The following DCC variants were observed in gnomAD, a reference collection of about 807,000 sequenced individuals.
The protein encoded by DCC is netrin receptor DCC.
DCC carries 58 observed loss-of-function variants against 172.5 expected under a neutral mutation model. The observed-to-expected ratio is 0.34, with a 90% confidence interval of 0.27 to 0.42. The LOEUF (loss-of-function observed/expected upper bound fraction) is 0.42, where lower values mean the gene tolerates loss of function less well. Ranked by LOEUF, DCC falls within the 10% of genes least tolerant of loss-of-function variation. The probability of loss-of-function intolerance (pLI) is 1.00; values close to 1 mark genes in which losing one functional copy is unlikely to be tolerated. For synonymous variants in DCC, 709 were observed against 644.5 expected (o/e 1.10, Z -1.52); for missense variants, 1,740 against 1,791.0 (o/e 0.97, Z 0.51).
chr18:53,305,731 C>A lies in DCC; in HGVS notation c.2053+12C>A. On this transcript the variant is annotated intron_variant, in intron 13 of 28. Coordinates refer to ENST00000442544, the MANE Select transcript of DCC (RefSeq NM_005215.4). The stretch of plus-strand genomic sequence containing the variant: ...GTACCTATTCACAGGTCAGTGTTCA[C>A]ATGGTGTAGTCTTGCAAGGTTTTGA... 1 of 1,613,328 alleles carries A rather than the reference C, an allele frequency of 6.2e-7. No individual in the cohort carries two copies.
chr18:53,098,397 T>G (rs2043117056), intron 7 of DCC, among the ~76,000 whole-genome samples: 1 of 152,162 alleles, frequency 6.6e-6, no homozygotes, highest in African/African-American at 2.4e-5. Context: ...GTTTTCCTAT[T>G]TTCTAGTTTC....
At chr18:53,360,480 T>C (rs1369726793) in intron 15 of DCC, among the ~76,000 whole-genome samples, 1 of 152,150 alleles carries the variant, frequency 6.6e-6, no homozygotes, top group Non-Finnish European at 1.5e-5. Context: ...GTCTCAAATT[T>C]TGTTCATTCA....
At chr18:53,513,958 C>A (rs2046298046) in intron 27 of DCC, among the ~76,000 whole-genome samples, 1 of 151,050 alleles carries the variant, frequency 6.6e-6, no homozygotes, top group South Asian at 2.1e-4. Context: ...CTGCACCAAG[C>A]AGACCTAATA....
intron 12 of DCC, among the ~76,000 whole-genome samples, chr18:53,284,555 A>G (rs2056913750): frequency 6.6e-6 from 1 of 152,196 alleles, no homozygotes; most frequent in African/African-American, 2.4e-5. Flanking sequence ...CTGTAAGTCC[A>G]ATAAACCTCT....
At chr18:52,509,842 G>A (rs1002669656) in intron 1 of DCC, among the ~76,000 whole-genome samples, 12 of 152,150 alleles carry the variant, frequency 7.9e-5, no homozygotes, top group African/African-American at 2.2e-4. Flanking sequence ...GGTGGCTCAC[G>A]TCTGTAATCC....
intron 14 of DCC, among the ~76,000 whole-genome samples, chr18:53,329,463 G>A (rs917253586): frequency 8.6e-5 from 13 of 151,878 alleles, no homozygotes; most frequent in African/African-American, 2.9e-4. Context: ...TTTCTTTATA[G>A]TAGCAATAAT....
intron 19 of DCC, among the ~76,000 whole-genome samples, chr18:53,407,556 T>TATATATATATA (rs1192623109): frequency 1.4e-5 from 2 of 140,392 alleles, no homozygotes; most frequent in Non-Finnish European, 3.1e-5. Flanking sequence ...TATATATATA[T>TATATATATATA]TCACTATTAC....
At chr18:52,654,699 T>C (rs1013049654) in intron 1 of DCC, among the ~76,000 whole-genome samples, 1 of 152,134 alleles carries the variant, frequency 6.6e-6, no homozygotes, top group Non-Finnish European at 1.5e-5. Context: ...TCCTAGGTAC[T>C]GGGGGTTAGG....
chr18:52,925,866 C>T (rs1172763432), intron 5 of DCC, among the ~76,000 whole-genome samples: 1 of 140,902 alleles, frequency 7.1e-6, no homozygotes, highest in Non-Finnish European at 1.6e-5. Flanking sequence ...GGAAAAGTTG[C>T]ATAGCAAGAA....
chr18:53,442,372 G>A, intron 22 of DCC, among the ~76,000 whole-genome samples: 1 of 152,026 alleles, frequency 6.6e-6, no homozygotes, highest in Non-Finnish European at 1.5e-5. Context: ...TGCTACGATG[G>A]TCTGTGATCA....
intron 18 of DCC, among the ~76,000 whole-genome samples, chr18:53,398,776 C>CA (rs1909116755): frequency 6.6e-6 from 1 of 152,054 alleles, no homozygotes; most frequent in Non-Finnish European, 1.5e-5. Flanking sequence ...TGGTGAGACC[C>CA]ATTGCTAACA....
Position 52,610,162 on chromosome 18 carries a change from A to T in DCC, c.92-141892A>T, listed in dbSNP as rs1338545149. 2.3e-3 allele frequency among the ~76,000 whole-genome samples: 40 copies of T among 17,200 alleles called. 1 individual carries two copies. The highest frequency in any genetic ancestry group is 0.013 in the East Asian group (10 of 754). The allele number at this position is 17,200 out of a possible 152,430, so 11.3% of individuals were successfully genotyped here. On this transcript the variant is annotated intron_variant, in intron 1 of 28. Coordinates refer to ENST00000442544, the MANE Select transcript of DCC (RefSeq NM_005215.4). ...AACCCCATCTCTCATAAAAAAAAAA[A>T]AAAAAAAAAAAAAAAAATATATATA...
intron 15 of DCC, among the ~76,000 whole-genome samples, chr18:53,368,328 C>T (rs552987570): frequency 1.3e-5 from 2 of 152,178 alleles, no homozygotes; most frequent in South Asian, 4.1e-4. Context: ...ATGTATTGTG[C>T]ATATTAATAT....
intron 19 of DCC, among the ~76,000 whole-genome samples, chr18:53,407,556 T>TATATATA (rs1192623109): frequency 1.4e-5 from 2 of 140,390 alleles, no homozygotes; most frequent in South Asian, 2.2e-4. Context: ...TATATATATA[T>TATATATA]TCACTATTAC....
chr18:53,172,621 G>A (rs1301186492), intron 8 of DCC, among the ~76,000 whole-genome samples: 1 of 135,304 alleles, frequency 7.4e-6, no homozygotes, highest in South Asian at 2.3e-4. Context: ...CATACCCAAG[G>A]TGTTTGATAG....
At chr18:52,993,858 ACTCT>A (rs147460567) in intron 5 of DCC, among the ~76,000 whole-genome samples, 2 of 148,304 alleles carry the variant, frequency 1.3e-5, no homozygotes, top group African/African-American at 2.5e-5. Flanking sequence ...CATACTCTCC[ACTCT>A]CTCTCTCTCT....
At chr18:52,872,940 T>C (rs2039344953) in intron 2 of DCC, among the ~76,000 whole-genome samples, 1 of 152,188 alleles carries the variant, frequency 6.6e-6, no homozygotes, top group African/African-American at 2.4e-5. Context: ...AATAAGCTAT[T>C]ACATTTTCAC....
chr18:52,794,754 T>C (rs939338936), intron 2 of DCC, among the ~76,000 whole-genome samples: 12 of 152,118 alleles, frequency 7.9e-5, no homozygotes, highest in Admixed American at 3.3e-4. Context: ...TTAAGTACGA[T>C]GTTAGCTGTG....
Position 53,499,250 on chromosome 18 carries a change from C to T in DCC, c.3899-48C>T, listed in dbSNP as rs758044670. On this transcript the variant is annotated intron_variant, in intron 26 of 28. Transcript: ENST00000442544. Reference sequence around the variant, plus strand: ...GACTGTTCCAGTGACTTAAGGAAAACAGACTTTGTCCAGGAATAATGAATG... The same window carrying T: ...GACTGTTCCAGTGACTTAAGGAAAATAGACTTTGTCCAGGAATAATGAATG... 3 of 1,596,860 alleles carry T rather than the reference C, an allele frequency of 1.9e-6. No individual in the cohort carries two copies. In the South Asian group the frequency reaches 3.3e-5, roughly 18 times the overall value.
Sources: gnomAD v4.1 joint callset for allele counts (sites outside exome capture counted in the v4.1 genomes callset) on GRCh38, gnomAD v4.1.1 for gene constraint, MANE v1.5 for transcripts, NCBI Gene and HGNC (gene_info 2026-07-23, HGNC 2026-07-21) for gene names.